CREBL2: variants seen among roughly 807,000 people sequenced by gnomAD.
CREBL2 encodes the protein cAMP responsive element binding protein like 2.
Under a neutral mutation model 19.5 loss-of-function variants are expected in CREBL2, and 4 were observed. The ratio of observed to expected loss-of-function variants is 0.20; its 90% CI spans 0.10 to 0.47. CREBL2 has a LOEUF of 0.47. Among genes scored for constraint, CREBL2 ranks in the 20% least tolerant of loss-of-function variants. The probability of loss-of-function intolerance (pLI) is 0.98; values close to 1 mark genes in which losing one functional copy is unlikely to be tolerated. For missense variants in CREBL2, 85 were observed against 145.1 expected (o/e 0.59, Z 2.13); for synonymous variants, 42 against 46.6 (o/e 0.90, Z 0.40).
Position 12,643,496 on chromosome 12 carries a change from G to A in CREBL2, c.*1498G>A, listed in dbSNP as rs577675349. Reference sequence around the variant, plus strand: ...TTGTTCTGAACTGGCAGTTTAAGAGGAGATACCGTAGTCTAGATTGTCTTT... The same window carrying A: ...TTGTTCTGAACTGGCAGTTTAAGAGAAGATACCGTAGTCTAGATTGTCTTT... On this transcript the variant is annotated 3_prime_UTR_variant, in exon 4 of 4. Transcript: ENST00000228865. 1.3e-5 allele frequency: 2 copies of A among 152,676 alleles called. No homozygotes were observed. The highest frequency in any genetic ancestry group is 4.8e-5 in the African/African-American group (2 of 41,564). 9.5% of individuals were successfully genotyped at this position (152,676 alleles called of 1,614,324 possible). A position where few individuals can be genotyped will look rare whatever the true frequency, so the allele number is the denominator to read the frequency against.
At chr12:12,612,511 C>T (rs926998730) in intron 1 of CREBL2, among the ~76,000 whole-genome samples, 4 of 152,026 alleles carry the variant, frequency 2.6e-5, no homozygotes, top group Non-Finnish European at 5.9e-5. Flanking sequence ...TTTTTGCTGC[C>T]TCCTCTCTCC....
At chr12:12,613,143 T>TA (rs1364442959) in intron 1 of CREBL2, among the ~76,000 whole-genome samples, 1 of 152,260 alleles carries the variant, frequency 6.6e-6, no homozygotes, top group African/African-American at 2.4e-5. Context: ...GTGCTGGGAT[T>TA]ACAGGCGTGA....
intron 2 of CREBL2, among the ~76,000 whole-genome samples, chr12:12,636,335 C>T (rs1188632785): frequency 6.6e-6 from 1 of 152,122 alleles, no homozygotes. Context: ...CAATATATTG[C>T]TAAGTAGACA....
Position 12,642,001 on chromosome 12 carries a change from AT to A in CREBL2, c.*5del. 1.9e-6 allele frequency: 3 copies of A among 1,558,234 alleles called. No homozygotes were observed. Among genetic ancestry groups the A allele is most frequent in the Admixed American group, 1.7e-5 (1 of 57,878 alleles). On this transcript the variant is annotated 3_prime_UTR_variant, in exon 4 of 4. Coordinates refer to ENST00000228865, the MANE Select transcript of CREBL2 (RefSeq NM_001310.4). ...GTAACTTTTATTTTTCAGGGTGAAG[AT>A]TATATAAAGATGAGTCAGTGATTGA...
At chr12:12,633,098 G>A (rs1397945940) in intron 1 of CREBL2, among the ~76,000 whole-genome samples, 3 of 150,558 alleles carry the variant, frequency 2.0e-5, no homozygotes, top group Admixed American at 6.6e-5. Context: ...CACCGTGCCC[G>A]GCTAAGTTTT....
intron 1 of CREBL2, among the ~76,000 whole-genome samples, chr12:12,629,226 T>C (rs1001845137): frequency 1.3e-5 from 2 of 152,238 alleles, no homozygotes; most frequent in African/African-American, 4.8e-5. Flanking sequence ...TTCTTAATAA[T>C]AATAAATCTT....
intron 1 of CREBL2, among the ~76,000 whole-genome samples, chr12:12,618,557 G>A (rs1379504918): frequency 6.6e-6 from 1 of 151,992 alleles, no homozygotes; most frequent in South Asian, 2.1e-4. Context: ...CTGGGCGGCC[G>A]GGCAGAGGGG....
intron 3 of CREBL2, among the ~76,000 whole-genome samples, chr12:12,641,108 G>A (rs768679920): frequency 1.3e-5 from 2 of 151,448 alleles, no homozygotes; most frequent in African/African-American, 2.4e-5. Context: ...AGTTGTCCAA[G>A]CAACATTTGT....
At chr12:12,612,874 CTTTA>C (rs777672209) in intron 1 of CREBL2, among the ~76,000 whole-genome samples, 17 of 151,992 alleles carry the variant, frequency 1.1e-4, no homozygotes, top group Non-Finnish European at 2.2e-4. Context: ...GCCTTTTTGT[CTTTA>C]TTTATTAATT....
chr12:12,636,522 C>G (rs1378266918), intron 2 of CREBL2, among the ~76,000 whole-genome samples: 2 of 152,164 alleles, frequency 1.3e-5, no homozygotes, highest in Non-Finnish European at 2.9e-5. Context: ...CAGGTTCACG[C>G]CATTCTCCTG....
At chr12:12,619,619 AAG>A (rs1945345155) in intron 1 of CREBL2, among the ~76,000 whole-genome samples, 1 of 152,152 alleles carries the variant, frequency 6.6e-6, no homozygotes, top group African/African-American at 2.4e-5. Context: ...TCAAAGGAAA[AAG>A]GAAAGTTTCT....
In CREBL2 at chr12:12,641,267, T is replaced by TA. The variant is rs1475439671; in HGVS notation, c.359-727_359-726insA. On this transcript the variant is annotated intron_variant, in intron 3 of 3. Transcript: ENST00000228865. The stretch of plus-strand genomic sequence containing the variant: ...TTATTATTATTATTTTTTTTTATTT[T>TA]TTTTTTTTTTAGGTCAACCTCTGGG... Among the ~76,000 whole-genome samples the TA allele has an allele frequency of 9.9e-4, 140 of 141,194 alleles. 1 individual carries two copies. The highest frequency in any genetic ancestry group is 3.5e-3 in the African/African-American group (137 of 39,274). 92.6% of individuals were successfully genotyped at this position (141,194 alleles called of 152,430 possible). A position where few individuals can be genotyped will look rare whatever the true frequency, so the allele number is the denominator to read the frequency against.
At chr12:12,628,604 C>G (rs1468202565) in intron 1 of CREBL2, among the ~76,000 whole-genome samples, 1 of 151,978 alleles carries the variant, frequency 6.6e-6, no homozygotes, top group East Asian at 1.9e-4. Flanking sequence ...GACATTTAGG[C>G]CTTTGTTCTA....
At chr12:12,633,090 C>T (rs1477448854) in intron 1 of CREBL2, among the ~76,000 whole-genome samples, 3 of 151,564 alleles carry the variant, frequency 2.0e-5, no homozygotes, top group African/African-American at 7.3e-5. Flanking sequence ...GTGCCCACCA[C>T]CGTGCCCGGC....
At chr12:12,631,831 A>G (rs1418739141) in intron 1 of CREBL2, among the ~76,000 whole-genome samples, 1 of 152,090 alleles carries the variant, frequency 6.6e-6, no homozygotes, top group African/African-American at 2.4e-5. Context: ...TTTACCAAAT[A>G]CTTTTTTTCT....
At chr12:12,620,934 G>A (rs942869666) in intron 1 of CREBL2, among the ~76,000 whole-genome samples, 1 of 152,152 alleles carries the variant, frequency 6.6e-6, no homozygotes, top group African/African-American at 2.4e-5. Flanking sequence ...AGTAAGAGTG[G>A]GTGCTTAACT....
intron 3 of CREBL2, among the ~76,000 whole-genome samples, chr12:12,640,579 C>T (rs1449198985): frequency 2.6e-5 from 4 of 152,158 alleles, no homozygotes; most frequent in Admixed American, 2.6e-4. Flanking sequence ...GACATACATC[C>T]TCAGCTTACG....
chr12:12,621,289 C>T (rs755952833), intron 1 of CREBL2, among the ~76,000 whole-genome samples: 2 of 152,132 alleles, frequency 1.3e-5, no homozygotes, highest in African/African-American at 4.8e-5. Flanking sequence ...GAAGCCAAGG[C>T]GGGCAGATCA....
chr12:12,634,801 A>T (rs1945462323), intron 1 of CREBL2, among the ~76,000 whole-genome samples: 1 of 152,156 alleles, frequency 6.6e-6, no homozygotes, highest in Non-Finnish European at 1.5e-5. Flanking sequence ...CACACCTGTA[A>T]TCCCAGCACT....
Sources: gnomAD v4.1 joint callset for allele counts (sites outside exome capture counted in the v4.1 genomes callset) on GRCh38, gnomAD v4.1.1 for gene constraint, MANE v1.5 for transcripts, NCBI Gene and HGNC (gene_info 2026-07-23, HGNC 2026-07-21) for gene names.